Variants in CORO2B observed in about 807,000 individuals in gnomAD.
CORO2B encodes coronin 2B, also known as coronin-2B.
Under a neutral mutation model 58.8 loss-of-function variants are expected in CORO2B, and 26 were observed. The ratio of observed to expected loss-of-function variants is 0.44; its 90% confidence interval spans 0.32 to 0.61. CORO2B has a LOEUF of 0.61. Among genes scored for constraint, CORO2B ranks in the 20% least tolerant of loss-of-function variants. CORO2B has a pLI of 0.04. For missense variants in CORO2B, 460 were observed against 645.1 expected (o/e 0.71, Z 3.11); for synonymous variants, 242 against 253.8 (o/e 0.95, Z 0.44).
chr15:68,605,222 T>G (rs1354634439), intron 1 of CORO2B, among the ~76,000 whole-genome samples: 1 of 152,192 alleles, frequency 6.6e-6, no homozygotes, highest in Non-Finnish European at 1.5e-5. Flanking sequence ...TATAAGCCAT[T>G]ATCAAAGACA....
At chr15:68,594,419 C>G (rs1265764174) in intron 1 of CORO2B, among the ~76,000 whole-genome samples, 3 of 152,234 alleles carry the variant, frequency 2.0e-5, no homozygotes, top group Non-Finnish European at 4.4e-5. Flanking sequence ...CTCTCCAGCT[C>G]TCACCAGGTT....
intron 1 of CORO2B, among the ~76,000 whole-genome samples, chr15:68,604,955 A>G (rs1376638665): frequency 6.6e-6 from 1 of 151,980 alleles, no homozygotes; most frequent in Non-Finnish European, 1.5e-5. Context: ...GTCTACTAAA[A>G]ACACAAAAAT....
the CORO2B span, among the ~76,000 whole-genome samples, chr15:68,570,364 C>T: frequency 6.6e-6 from 1 of 152,218 alleles, no homozygotes; most frequent in Non-Finnish European, 1.5e-5. Flanking sequence ...GACTATTGAT[C>T]TGTGGTTTTC....
chr15:68,649,731 C>CT (rs1015314484), intron 2 of CORO2B, among the ~76,000 whole-genome samples: 15 of 152,112 alleles, frequency 9.9e-5, no homozygotes, highest in Non-Finnish European at 1.5e-4. Context: ...TTAAAAATAA[C>CT]TTTTTTTAAG....
intron 11 of CORO2B, among the ~76,000 whole-genome samples, chr15:68,724,302 G>C (rs993238688): frequency 6.6e-6 from 1 of 152,162 alleles, no homozygotes; most frequent in African/African-American, 2.4e-5. Context: ...GGCCCTCCCT[G>C]GTTGGAATCT....
intron 1 of CORO2B, among the ~76,000 whole-genome samples, chr15:68,638,285 G>T (rs940185071): frequency 1.3e-5 from 2 of 151,904 alleles, no homozygotes; most frequent in Admixed American, 1.3e-4. Context: ...TGAAGTCAGA[G>T]ACTCCCTCAC....
At chr15:68,586,581 G>A (rs1202892549) in intron 1 of CORO2B, among the ~76,000 whole-genome samples, 1 of 152,194 alleles carries the variant, frequency 6.6e-6, no homozygotes, top group African/African-American at 2.4e-5. Context: ...CATGGCATAG[G>A]TTACTGTTAT....
intron 1 of CORO2B, among the ~76,000 whole-genome samples, chr15:68,639,944 G>GGCCA (rs1246776000): frequency 6.6e-6 from 1 of 152,124 alleles, no homozygotes; most frequent in African/African-American, 2.4e-5. Context: ...AAAGGCAAAG[G>GGCCA]GCCAGATTTT....
intron 6 of CORO2B, among the ~76,000 whole-genome samples, 189 bp downstream of exon 6, chr15:68,714,230 C>T (rs927629196): frequency 1.3e-5 from 2 of 152,204 alleles, no homozygotes; most frequent in African/African-American, 4.8e-5. Context: ...ATGTCGGCCA[C>T]ACCTGCAAGA....
At chr15:68,719,885 TCGTGTATCACAG>T (rs1161699348) in intron 11 of CORO2B, among the ~76,000 whole-genome samples, 1 of 152,252 alleles carries the variant, frequency 6.6e-6, no homozygotes, top group Admixed American at 6.5e-5. Flanking sequence ...AAGCCCGGCC[TCGTGTATCACAG>T]CCCTGCCTCC....
In CORO2B at chr15:68,609,914, G is replaced by A. The variant is rs926236111; in HGVS notation, c.15+30637G>A. 4.6e-5 allele frequency among the ~76,000 whole-genome samples: 7 copies of A among 152,252 alleles called. No homozygotes were observed. In the South Asian group the frequency reaches 6.2e-4, roughly 14 times the overall value. On this transcript the variant is annotated intron_variant, in intron 1 of 11. Transcript: ENST00000261861. Reference sequence around the variant, plus strand: ...AGTACACTAGCTTGACCTGGAATCCGCATGAATCATCCACATTGGCCAGCT... The same window carrying A: ...AGTACACTAGCTTGACCTGGAATCCACATGAATCATCCACATTGGCCAGCT...
chr15:68,715,096 G>GT (rs1327057590), intron 7 of CORO2B, 119 bp from the exon 8 acceptor site: 5 of 914,398 alleles, frequency 5.5e-6, no homozygotes, highest in Admixed American at 2.0e-5. Flanking sequence ...GGTTTCCTTG[G>GT]TTTTTTTAAC....
At chr15:68,583,333 G>T (rs1405001101) in intron 1 of CORO2B, among the ~76,000 whole-genome samples, 1 of 152,214 alleles carries the variant, frequency 6.6e-6, no homozygotes, top group Non-Finnish European at 1.5e-5. Context: ...GAACTGAGAC[G>T]CTGGGAGCAG....
chr15:68,592,551 G>C (rs1899733422), intron 1 of CORO2B, among the ~76,000 whole-genome samples: 1 of 152,150 alleles, frequency 6.6e-6, no homozygotes, highest in Admixed American at 6.5e-5. Context: ...TGCACTGTAG[G>C]CATGTTATAT....
chr15:68,584,106 T>C (rs1016706549), intron 1 of CORO2B, among the ~76,000 whole-genome samples: 1 of 152,188 alleles, frequency 6.6e-6, no homozygotes, highest in African/African-American at 2.4e-5. Context: ...TCCAGGACCT[T>C]AGAGGAGAAG....
chr15:68,525,882 C>T, the CORO2B span, among the ~76,000 whole-genome samples: 4 of 152,222 alleles, frequency 2.6e-5, no homozygotes, highest in South Asian at 2.1e-4. Context: ...ACTTCTTCTG[C>T]CCAAAAAGTT....
At chr15:68,622,517 A>T (rs1900555976) in intron 1 of CORO2B, among the ~76,000 whole-genome samples, 1 of 151,902 alleles carries the variant, frequency 6.6e-6, no homozygotes, top group African/African-American at 2.4e-5. Flanking sequence ...GTGCTAAGTG[A>T]CCTCCAGTTT....
chr15:68,627,828 C>T lies in CORO2B; in HGVS notation c.16-17332C>T, dbSNP rs576222003. ...TATGGGTACAGCCCCCTTCCTGCCC[C>T]GCACACCCTGGTGTATCCTCATCTC... On this transcript the variant is annotated intron_variant, in intron 1 of 11. Coordinates refer to ENST00000261861, the MANE Select transcript of CORO2B (RefSeq NM_006091.5). 8.5e-5 allele frequency among the ~76,000 whole-genome samples: 13 copies of T among 152,218 alleles called. 1 individual carries two copies. The highest frequency in any genetic ancestry group is 6.2e-4 in the South Asian group (3 of 4,818).
chr15:68,725,430 A>AATACATCTATTATGTATTATT (rs1406093495), intron 11 of CORO2B, among the ~76,000 whole-genome samples: 3 of 152,030 alleles, frequency 2.0e-5, no homozygotes, highest in African/African-American at 7.2e-5. Context: ...TACATGTAAT[A>AATACATCTATTATGTATTATT]ATACATCTAT....
Sources: allele counts gnomAD v4.1 joint callset (sites outside exome capture counted in the v4.1 genomes callset), GRCh38; gene constraint gnomAD v4.1.1; transcripts MANE v1.5; gene names NCBI Gene and HGNC (gene_info 2026-07-23, HGNC 2026-07-21).